Variants in KCNMA1 observed in about 807,000 individuals in gnomAD.
KCNMA1 encodes Calcium-activated potassium channel subunit alpha-1.
A neutral mutation model predicts 140.0 loss-of-function variants in KCNMA1; 29 were observed. The observed-to-expected ratio is 0.21, with a 90% confidence interval of 0.15 to 0.28. The LOEUF is 0.28. Among genes scored for constraint, KCNMA1 ranks in the 10% least tolerant of loss-of-function variants. The pLI, the probability that KCNMA1 is intolerant of heterozygous loss-of-function variation, is 1.00. For missense variants in KCNMA1, 880 were observed against 1,602.2 expected, an observed-to-expected ratio of 0.55 and a Z score of 7.70; for synonymous variants, 612 against 611.9, an observed-to-expected ratio of 1.00 and a Z score of 0.00.
chr10:76,991,539 C>T (rs2082771012), intron 19 of KCNMA1, among the ~76,000 whole-genome samples: 1 of 152,122 alleles, frequency 6.6e-6, no homozygotes, highest in African/African-American at 2.4e-5. Context: ...TAAGTTGCTG[C>T]TTAGAAAGTT....
intron 2 of KCNMA1, among the ~76,000 whole-genome samples, chr10:77,352,160 AACAAAATAC>A (rs1363865637): frequency 1.3e-5 from 2 of 152,260 alleles, no homozygotes; most frequent in East Asian, 3.8e-4. Flanking sequence ...CAAATCAGAT[AACAAAATAC>A]ACATTGACGG....
chr10:77,306,201 G>T (rs2077667620), intron 2 of KCNMA1, among the ~76,000 whole-genome samples: 1 of 152,204 alleles, frequency 6.6e-6, no homozygotes, highest in Non-Finnish European at 1.5e-5. Flanking sequence ...AATGGGGGTG[G>T]TCTCTGCCCT....
At chr10:77,040,078 C>T (rs1275535456) in intron 14 of KCNMA1, among the ~76,000 whole-genome samples, 1 of 150,516 alleles carries the variant, frequency 6.6e-6, no homozygotes, top group African/African-American at 2.4e-5. Context: ...CAGAGTCTTG[C>T]TATGTTGCCC....
At chr10:77,290,063 ACAGT>A (rs1234206168) in intron 2 of KCNMA1, among the ~76,000 whole-genome samples, 3 of 152,228 alleles carry the variant, frequency 2.0e-5, no homozygotes, top group African/African-American at 7.2e-5. Flanking sequence ...CGGTAAAGGC[ACAGT>A]TCCACTGATT....
chr10:77,542,432 CT>C (rs2060401036), intron 1 of KCNMA1, among the ~76,000 whole-genome samples: 1 of 152,168 alleles, frequency 6.6e-6, no homozygotes, highest in Non-Finnish European at 1.5e-5. Flanking sequence ...AATCTCAGCA[CT>C]GGAAAGAATC....
At chr10:77,430,879 C>T (rs930794752) in intron 1 of KCNMA1, among the ~76,000 whole-genome samples, 3 of 152,204 alleles carry the variant, frequency 2.0e-5, no homozygotes, top group Non-Finnish European at 4.4e-5. Flanking sequence ...TTAGGCAACA[C>T]ATGCTAAGGA....
At chr10:77,262,221 T>C (rs1230141382) in intron 2 of KCNMA1, among the ~76,000 whole-genome samples, 2 of 152,136 alleles carry the variant, frequency 1.3e-5, no homozygotes, top group Non-Finnish European at 2.9e-5. Flanking sequence ...TGGAATACTA[T>C]TCAGTGTTAA....
intron 2 of KCNMA1, among the ~76,000 whole-genome samples, chr10:77,339,781 C>G (rs114838345): frequency 6.6e-6 from 1 of 152,226 alleles, no homozygotes; most frequent in African/African-American, 2.4e-5. Context: ...TAGGTGGCCA[C>G]GCCACATATT....
At chr10:77,251,788 T>G (rs1210018324) in intron 2 of KCNMA1, among the ~76,000 whole-genome samples, 1 of 152,158 alleles carries the variant, frequency 6.6e-6, no homozygotes, top group African/African-American at 2.4e-5. Context: ...TCAGAACATT[T>G]TCATCATCCC....
intron 2 of KCNMA1, among the ~76,000 whole-genome samples, chr10:77,294,199 T>A (rs592676): frequency 0.47 from 71,382 of 152,158 alleles, 18,091 homozygotes; most frequent in Non-Finnish European, 0.57. Context: ...GAATAGCCTT[T>A]CTAGTGAACA....
chr10:77,353,739 C>T (rs979032785), intron 2 of KCNMA1, among the ~76,000 whole-genome samples: 5 of 152,096 alleles, frequency 3.3e-5, no homozygotes, highest in African/African-American at 1.2e-4. Flanking sequence ...TGACAGCCAC[C>T]ATCATCCCAA....
At chr10:77,251,490 T>C (rs1191395064) in intron 2 of KCNMA1, among the ~76,000 whole-genome samples, 1 of 152,146 alleles carries the variant, frequency 6.6e-6, no homozygotes, top group East Asian at 1.9e-4. Flanking sequence ...CTTTTATGTC[T>C]CAGGGCACTG....
intron 1 of KCNMA1, among the ~76,000 whole-genome samples, chr10:77,462,699 G>A (rs776496583): frequency 4.6e-5 from 7 of 152,190 alleles, no homozygotes; most frequent in Non-Finnish European, 1.0e-4. Context: ...AGAGAGTCCC[G>A]CCCACCCACA....
At chr10:77,272,652 A>C (rs2065491837) in intron 2 of KCNMA1, among the ~76,000 whole-genome samples, 2 of 152,178 alleles carry the variant, frequency 1.3e-5, no homozygotes, top group African/African-American at 2.4e-5. Context: ...ATATATATAC[A>C]CATGCATCTA....
chr10:77,284,805 C>T (rs556662460), intron 2 of KCNMA1, among the ~76,000 whole-genome samples: 7 of 152,224 alleles, frequency 4.6e-5, no homozygotes, highest in Middle Eastern at 3.4e-3. Flanking sequence ...TGAACCACCG[C>T]GCCCAACGAG....
chr10:77,013,469 C>T (rs1210247911), intron 17 of KCNMA1, among the ~76,000 whole-genome samples: 2 of 152,006 alleles, frequency 1.3e-5, no homozygotes, highest in Non-Finnish European at 2.9e-5. Context: ...GACTGTTGAC[C>T]CTGAGTGGCA....
intron 17 of KCNMA1, chr10:77,012,336 T>A: frequency 6.8e-7 from 1 of 1,466,956 alleles, no homozygotes; most frequent in Non-Finnish European, 9.0e-7. Context: ...TCGTCTTTCA[T>A]TTTTGAGAAC....
intron 1 of KCNMA1, among the ~76,000 whole-genome samples, chr10:77,432,900 G>C (rs1378570576): frequency 1.3e-5 from 2 of 152,144 alleles, no homozygotes; most frequent in Non-Finnish European, 2.9e-5. Flanking sequence ...AATGGTGAGG[G>C]GGAAGGGACT....
chr10:77,064,241 C>T (rs2095855503), intron 14 of KCNMA1: 1 of 328,962 alleles, frequency 3.0e-6, no homozygotes. Context: ...TTACACAAAT[C>T]ATTTTGCTGC....
Sources: gnomAD v4.1 joint callset for allele counts (sites outside exome capture counted in the v4.1 genomes callset) on GRCh38, gnomAD v4.1.1 for gene constraint, MANE v1.5 for transcripts, NCBI Gene and HGNC (gene_info 2026-07-23, HGNC 2026-07-21) for gene names.